The following NALF1 variants were observed in gnomAD, a reference collection of about 807,000 sequenced individuals.
NALF1 encodes the protein NALCN channel auxiliary factor 1.
Under a neutral mutation model 48.4 loss-of-function variants are expected in NALF1, and 3 were observed. The ratio of observed to expected loss-of-function variants is 0.06; its 90% CI spans 0.03 to 0.16. NALF1 has a LOEUF of 0.16. Among genes scored for constraint, NALF1 ranks in the 10% least tolerant of loss-of-function variants. NALF1 has a pLI of 1.00. For missense variants in NALF1, 526 were observed against 571.5 expected, an observed-to-expected ratio of 0.92 and a Z score of 0.81; for synonymous variants, 262 against 245.7, an observed-to-expected ratio of 1.07 and a Z score of -0.62.
intron 1 of NALF1, among the ~76,000 whole-genome samples, chr13:107,715,883 T>A (rs74112581): frequency 0.016 from 2,440 of 152,294 alleles, 69 homozygotes; most frequent in African/African-American, 0.056. Context: ...GCAGGTTTCA[T>A]AAAGGGGGAT....
At chr13:107,479,968 G>A (rs1313463894) in intron 1 of NALF1, among the ~76,000 whole-genome samples, 2 of 152,034 alleles carry the variant, frequency 1.3e-5, no homozygotes, top group Non-Finnish European at 2.9e-5. Context: ...TACCAAGAAG[G>A]AGATTGACAC....
At chr13:107,844,699 GAAGAGATGGATTTGTT>G (rs1880125981) in intron 1 of NALF1, among the ~76,000 whole-genome samples, 1 of 152,136 alleles carries the variant, frequency 6.6e-6, no homozygotes, top group Non-Finnish European at 1.5e-5. Flanking sequence ...ATTTTCAAAT[GAAGAGATGGATTTGTT>G]TAAATTACTT....
chr13:107,477,259 A>G (rs1305976599), intron 1 of NALF1, among the ~76,000 whole-genome samples: 1 of 152,144 alleles, frequency 6.6e-6, no homozygotes, highest in Non-Finnish European at 1.5e-5. Flanking sequence ...GTAAGTCAGT[A>G]AATAACTTCA....
At chr13:107,261,381 C>T (rs984554499) in intron 1 of NALF1, among the ~76,000 whole-genome samples, 9 of 152,136 alleles carry the variant, frequency 5.9e-5, no homozygotes, top group African/African-American at 9.7e-5. Flanking sequence ...TCAGTTCCCT[C>T]GATGAATGCT....
chr13:107,336,247 G>A (rs1243560955), intron 1 of NALF1, among the ~76,000 whole-genome samples: 3 of 151,902 alleles, frequency 2.0e-5, no homozygotes, highest in African/African-American at 4.8e-5. Context: ...CAGCTACTCC[G>A]GAGGCTGAGG....
chr13:107,427,481 T>A (rs1047941276), intron 1 of NALF1, among the ~76,000 whole-genome samples: 1 of 152,118 alleles, frequency 6.6e-6, no homozygotes, highest in African/African-American at 2.4e-5. Flanking sequence ...TAAGAAGAAC[T>A]TCTTAAGAAA....
intron 2 of NALF1, among the ~76,000 whole-genome samples, chr13:107,181,444 CT>C (rs1879058455): frequency 6.6e-6 from 1 of 151,472 alleles, no homozygotes. Flanking sequence ...TTTATATTAT[CT>C]TTTGTACTTA....
chr13:107,841,200 A>C (rs150302305), intron 1 of NALF1, among the ~76,000 whole-genome samples: 11 of 152,274 alleles, frequency 7.2e-5, no homozygotes, highest in African/African-American at 2.6e-4. Flanking sequence ...TTTGAAATAA[A>C]ATTTTAACAG....
At position 107,464,392 on chromosome 13, in the gene NALF1, A is replaced by C. The variant is rs147509780; in HGVS notation, c.916-253637T>G. ...AGGGGGCAGCACCAAAGTCACACTG[A>C]AGTGTCAAAACTAGGGAGCTGGAAG... On this transcript the variant is annotated intron_variant, in intron 1 of 2. Transcript: ENST00000375915. Among the ~76,000 whole-genome samples, 796 of 152,338 alleles carry C rather than the reference A, an allele frequency of 5.2e-3. 6 individuals are homozygous for C. Among genetic ancestry groups the C allele is most frequent in the African/African-American group, 0.018 (748 of 41,574 alleles).
In NALF1 at chr13:107,392,445, T is replaced by C. The variant is rs150820477; in HGVS notation, c.916-181690A>G. On this transcript the variant is annotated intron_variant, in intron 1 of 2. Transcript: ENST00000375915. ...GCTAAACACTCATGCATCCTTTTCC[T>C]AACAAATTCTGATAGCAGAGATAGC... Among the ~76,000 whole-genome samples, 523 of 152,220 alleles carry C rather than the reference T, an allele frequency of 3.4e-3. 4 individuals carry two copies. The highest frequency in any genetic ancestry group is 0.02 in the Middle Eastern group (6 of 294).
chr13:107,818,789 G>T (rs3858809), intron 1 of NALF1, among the ~76,000 whole-genome samples: 12 of 129,548 alleles, frequency 9.3e-5, no homozygotes, highest in African/African-American at 4.2e-4. Flanking sequence ...GGAGAATGAC[G>T]TGAACCCGGG....
chr13:107,740,106 A>C (rs2138543439), intron 1 of NALF1, among the ~76,000 whole-genome samples: 1 of 152,306 alleles, frequency 6.6e-6, no homozygotes, highest in South Asian at 2.1e-4. Context: ...GTCTGTGGAA[A>C]AATTGTCCAC....
At chr13:107,381,571 C>A (rs1033648282) in intron 1 of NALF1, among the ~76,000 whole-genome samples, 1 of 152,000 alleles carries the variant, frequency 6.6e-6, no homozygotes, top group Non-Finnish European at 1.5e-5. Context: ...CACCACCCCA[C>A]CCACTCCCAC....
intron 1 of NALF1, among the ~76,000 whole-genome samples, chr13:107,732,642 A>C: frequency 6.6e-6 from 1 of 152,150 alleles, no homozygotes; most frequent in East Asian, 1.9e-4. Flanking sequence ...GTGTCATGAA[A>C]GTGCAAGCAG....
intron 1 of NALF1, among the ~76,000 whole-genome samples, chr13:107,824,723 A>T (rs955640600): frequency 3.3e-5 from 5 of 152,256 alleles, no homozygotes; most frequent in Admixed American, 3.3e-4. Flanking sequence ...AATTCCAGGT[A>T]AAGAAGCCAG....
intron 1 of NALF1, among the ~76,000 whole-genome samples, chr13:107,224,068 ATTAT>A (rs1476684517): frequency 2.0e-5 from 3 of 152,140 alleles, no homozygotes; most frequent in African/African-American, 7.2e-5. Flanking sequence ...AATGAATAAT[ATTAT>A]TCATTATTAT....
rs80354195 is a variant in NALF1 at position 107,540,275 on chromosome 13, T to C, written c.915+325407A>G. Reference sequence around the variant, plus strand: ...TCTAGTCTACTGAGAGGAAATGGAATTCCAGATTCTTCAACCTCTGCTAAA... The same window carrying C: ...TCTAGTCTACTGAGAGGAAATGGAACTCCAGATTCTTCAACCTCTGCTAAA... On this transcript the variant is annotated intron_variant, in intron 1 of 2. Coordinates refer to ENST00000375915, the MANE Select transcript of NALF1 (RefSeq NM_001080396.3). Among the ~76,000 whole-genome samples the C allele has an allele frequency of 8.8e-3, 1,331 of 151,928 alleles. 20 individuals carry two copies. The highest frequency in any genetic ancestry group is 0.03 in the African/African-American group (1,247 of 41,274).
chr13:107,236,423 G>A (rs1451496628), intron 1 of NALF1, among the ~76,000 whole-genome samples: 4 of 152,076 alleles, frequency 2.6e-5, no homozygotes. Context: ...CTCCTTTTGG[G>A]ATAAAAAATA....
chr13:107,324,477 T>A (rs1272543413), intron 1 of NALF1, among the ~76,000 whole-genome samples: 4 of 152,022 alleles, frequency 2.6e-5, no homozygotes, highest in African/African-American at 9.7e-5. Context: ...TTTCTGGGAG[T>A]GGGGGGAAGA....
Sources: allele counts gnomAD v4.1 joint callset (sites outside exome capture counted in the v4.1 genomes callset), GRCh38; gene constraint gnomAD v4.1.1; transcripts MANE v1.5; gene names NCBI Gene and HGNC (gene_info 2026-07-23, HGNC 2026-07-21).